ABCE1: variants seen among roughly 807,000 people sequenced by gnomAD.
The protein encoded by ABCE1 is ATP-binding cassette sub-family E member 1.
Under a neutral mutation model 83.4 loss-of-function variants are expected in ABCE1, and 22 were observed. The ratio of observed to expected loss-of-function variants is 0.26; its 90% confidence interval spans 0.19 to 0.38. The LOEUF (loss-of-function observed/expected upper bound fraction) is 0.38. Ranked by LOEUF, ABCE1 falls within the 10% of genes least tolerant of loss-of-function variation. The pLI is 1.00. For missense variants in ABCE1, 330 were observed against 721.9 expected (o/e 0.46, Z 6.22); for synonymous variants, 204 against 233.7 (o/e 0.87, Z 1.16).
intron 17 of ABCE1, among the ~76,000 whole-genome samples, chr4:145,125,625 C>CT (rs1749860335): frequency 6.6e-6 from 1 of 152,174 alleles, no homozygotes; most frequent in African/African-American, 2.4e-5. Context: ...CCTGTTTTCT[C>CT]TTTAAGTTGT....
intron 9 of ABCE1, among the ~76,000 whole-genome samples, chr4:145,113,742 T>C (rs543159902): frequency 6.6e-6 from 1 of 151,998 alleles, no homozygotes; most frequent in Non-Finnish European, 1.5e-5. Flanking sequence ...AAAAAAGCAA[T>C]AGGTAGATGT....
Position 145,128,999 on chromosome 4 carries a change from C to A in ABCE1, c.*1426C>A, listed in dbSNP as rs1358878503. On this transcript the variant is annotated 3_prime_UTR_variant, in exon 18 of 18. Coordinates refer to ENST00000296577, the MANE Select transcript of ABCE1 (RefSeq NM_002940.3). ...GCGTTTGAATTTAATAATGTATATT[C>A]TTTCATGCTTTTTTCTGTGCACTTA... 6.6e-6 allele frequency: 1 copy of A among 152,200 alleles called. No individual in the cohort carries two copies. The highest frequency in any genetic ancestry group is 1.5e-5 in the Non-Finnish European group (1 of 67,986). The allele number at this position is 152,200 out of a possible 1,614,324, so 9.4% of individuals were successfully genotyped here. A position where few individuals can be genotyped will look rare whatever the true frequency, so the allele number is the denominator to read the frequency against.
intron 1 of ABCE1, among the ~76,000 whole-genome samples, chr4:145,100,559 G>A (rs1337472349): frequency 6.6e-6 from 1 of 152,192 alleles, no homozygotes; most frequent in East Asian, 1.9e-4. Context: ...ATAGCTTGCT[G>A]AAGAATCTTC....
chr4:145,107,074 ATT>A (rs1362160518), intron 3 of ABCE1, among the ~76,000 whole-genome samples: 8 of 152,126 alleles, frequency 5.3e-5, no homozygotes, highest in Admixed American at 4.6e-4. Flanking sequence ...CCATATTACC[ATT>A]CTTAAATGAC....
rs1749426265 is a variant in ABCE1 at position 145,110,086 on chromosome 4, T to TG, written c.406-17_406-16insG. 1 of 914,508 alleles carries TG rather than the reference T, an allele frequency of 1.1e-6. No individual in the cohort carries two copies. The highest frequency in any genetic ancestry group is 3.3e-5 in the Admixed American group (1 of 29,904). 56.6% of individuals were successfully genotyped at this position (914,508 alleles called of 1,614,324 possible). On this transcript the variant is annotated splice_polypyrimidine_tract_variant and intron_variant, in intron 5 of 17. Transcript: ENST00000296577. ...TTATTAAATTCACATGATTCTGTAT[T>TG]TTTTTTTTTTTTTTAGGATCCTCCT...
Position 145,107,232 on chromosome 4 carries a change from C to T in ABCE1, c.190-783C>T, listed in dbSNP as rs929134596. Among the ~76,000 whole-genome samples, 8 of 151,848 alleles carry T rather than the reference C, an allele frequency of 5.3e-5. No homozygotes were observed. In the South Asian group the frequency reaches 1.7e-3, roughly 32 times the overall value. On this transcript the variant is annotated intron_variant, in intron 3 of 17. Transcript: ENST00000296577. ...TTATTCATATAAGATAGATAAAAGT[C>T]ATAATGGAAAGACATTAATCCCCAG...
At chr4:145,117,442 G>A (rs551307833) in intron 10 of ABCE1, 28 bp downstream of exon 10, 2 of 1,604,992 alleles carry the variant, frequency 1.2e-6, no homozygotes, top group Non-Finnish European at 1.7e-6. Flanking sequence ...TTTCACATAT[G>A]CTGTATTCTC....
intron 17 of ABCE1, 74 bp from the exon 18 acceptor site, chr4:145,127,452 C>A: frequency 7.7e-7 from 1 of 1,304,530 alleles, no homozygotes; most frequent in Non-Finnish European, 1.1e-6. Context: ...TAAGTAATAC[C>A]ATGAGTGAAA....
rs1749956242 is a variant in ABCE1 at position 145,128,578 on chromosome 4, A to G, written c.*1005A>G. 6.6e-6 allele frequency: 1 copy of G among 152,212 alleles called. No individual in the cohort carries two copies. Among genetic ancestry groups the G allele is most frequent in the Non-Finnish European group, 1.5e-5 (1 of 68,032 alleles). The allele number at this position is 152,212 out of a possible 1,614,324, so 9.4% of individuals were successfully genotyped here. ...TCATTTGTGAGTTTGGATATAGAGC[A>G]CATTATCTAAACCATTTTGTAGTTC... On this transcript the variant is annotated 3_prime_UTR_variant, in exon 18 of 18. Coordinates refer to ENST00000296577, the MANE Select transcript of ABCE1 (RefSeq NM_002940.3).
chr4:145,117,478 A>T, intron 10 of ABCE1, 64 bp downstream of exon 10: 1 of 1,477,608 alleles, frequency 6.8e-7, no homozygotes, highest in Non-Finnish European at 9.2e-7. Context: ...TATAAACTAC[A>T]TTATTGATAT....
At chr4:145,104,258 T>C (rs931808846) in intron 1 of ABCE1, 128 bp from the exon 2 acceptor site, 3 of 423,666 alleles carry the variant, frequency 7.1e-6, no homozygotes, top group African/African-American at 2.1e-5. Context: ...TTGTCAAAAT[T>C]TATATTTTTT....
chr4:145,108,782 A>G (rs1342051766), intron 4 of ABCE1, among the ~76,000 whole-genome samples: 1 of 152,176 alleles, frequency 6.6e-6, no homozygotes, highest in Non-Finnish European at 1.5e-5. Context: ...CTGCTGTGTA[A>G]TTTTGTACCA....
At position 145,110,045 on chromosome 4, in the gene ABCE1, C is replaced by T. The variant is rs1749424510; in HGVS notation, c.406-58C>T. On this transcript the variant is annotated intron_variant, in intron 5 of 17. Coordinates refer to ENST00000296577, the MANE Select transcript of ABCE1 (RefSeq NM_002940.3). ...ATAATCTATTTCCTGTAGCATTCAT[C>T]CTCTTTGTCATTGTATTATTAAATT... is the stretch of plus-strand genomic sequence containing the variant. 4.3e-6 allele frequency: 6 copies of T among 1,407,678 alleles called. No homozygotes were observed. The South Asian group carries it at 5.9e-5, about 14-fold the overall frequency. 87.2% of individuals were successfully genotyped at this position (1,407,678 alleles called of 1,614,324 possible). A position where few individuals can be genotyped will look rare whatever the true frequency, so the allele number is the denominator to read the frequency against.
chr4:145,117,355 G>A lies in ABCE1; in HGVS notation c.863G>A (p.Cys288Tyr), dbSNP rs373222261. 1.9e-6 allele frequency: 3 copies of A among 1,610,916 alleles called. No individual in the cohort carries two copies. The highest frequency in any genetic ancestry group is 2.2e-5 in the East Asian group (1 of 44,772). Residue 288 changes from cysteine (C) to tyrosine (Y), a missense_variant, in exon 10 of 18, where the codon TGT becomes TAT. By Grantham distance (194) the Cys-to-Tyr change is radical. Transcript: ENST00000296577. ...VLDYLSDFIC[C>Y]LYGVPSAYGV... ...GACTATCTCTCCGACTTCATCTGCT[G>A]TTTATATGGTGTACCAAGCGCCTAT...
Position 145,128,532 on chromosome 4 carries a change from A to C in ABCE1, c.*959A>C, listed in dbSNP as rs1291364119. 1 of 152,194 alleles carries C rather than the reference A, an allele frequency of 6.6e-6. No individual in the cohort carries two copies. The highest frequency in any genetic ancestry group is 1.5e-5 in the Non-Finnish European group (1 of 68,022). The allele number at this position is 152,194 out of a possible 1,614,324, so 9.4% of individuals were successfully genotyped here. ...AAGTCCCCAGATGGCAATACAAAGT[A>C]TCCCCTGGTACCACATATATTCATT... is the stretch of plus-strand genomic sequence containing the variant. On this transcript the variant is annotated 3_prime_UTR_variant, in exon 18 of 18. Coordinates refer to ENST00000296577, the MANE Select transcript of ABCE1 (RefSeq NM_002940.3).
intron 4 of ABCE1, among the ~76,000 whole-genome samples, chr4:145,108,914 CAATT>C (rs765478663): frequency 3.9e-5 from 6 of 152,180 alleles, no homozygotes; most frequent in Non-Finnish European, 5.9e-5. Context: ...GCATTTCTAA[CAATT>C]AACAGTGTAA....
chr4:145,106,881 A>G (rs1408739952), intron 3 of ABCE1, among the ~76,000 whole-genome samples: 1 of 152,148 alleles, frequency 6.6e-6, no homozygotes, highest in Non-Finnish European at 1.5e-5. Context: ...TTAGAAAACA[A>G]GAGTAATTAT....
chr4:145,112,945 G>C (rs759133580), intron 9 of ABCE1, among the ~76,000 whole-genome samples: 1 of 152,144 alleles, frequency 6.6e-6, no homozygotes, highest in Non-Finnish European at 1.5e-5. Flanking sequence ...GCTGTGACCA[G>C]ACCCCAGGGG....
intron 10 of ABCE1, 146 bp downstream of exon 10, chr4:145,117,560 G>T: frequency 1.6e-6 from 1 of 617,734 alleles, no homozygotes; most frequent in Non-Finnish European, 2.5e-6. Flanking sequence ...GAGCATATAA[G>T]GTTATATATA....
Sources: gnomAD v4.1 joint callset for allele counts (sites outside exome capture counted in the v4.1 genomes callset) on GRCh38, gnomAD v4.1.1 for gene constraint, MANE v1.5 for transcripts, NCBI Gene and HGNC (gene_info 2026-07-23, HGNC 2026-07-21) for gene names.